PKD2L2: variants seen among roughly 807,000 people sequenced by gnomAD.
PKD2L2 encodes the protein polycystin 2 like 2, transient receptor potential cation channel, also known as polycystin-2-like protein 2.
Under a neutral mutation model 83.9 loss-of-function variants are expected in PKD2L2, and 67 were observed. The ratio of observed to expected loss-of-function variants is 0.80; its 90% confidence interval spans 0.66 to 0.98. The LOEUF (loss-of-function observed/expected upper bound fraction) is 0.98. Among genes scored for constraint, PKD2L2 ranks in the 50% least tolerant of loss-of-function variants. The pLI, the probability that PKD2L2 is intolerant of heterozygous loss-of-function variation, is 0.00. For missense variants in PKD2L2, 632 were observed against 717.2 expected, an observed-to-expected ratio of 0.88 and a Z score of 1.36; for synonymous variants, 223 against 237.8, an observed-to-expected ratio of 0.94 and a Z score of 0.57.
intron 12 of PKD2L2, among the ~76,000 whole-genome samples, chr5:137,935,171 C>A (rs1464281757): frequency 2.0e-5 from 3 of 152,164 alleles, no homozygotes; most frequent in African/African-American, 7.2e-5. Context: ...TTATTTTCCA[C>A]AACACACAGG....
intron 12 of PKD2L2, among the ~76,000 whole-genome samples, chr5:137,929,508 C>A (rs1580989082): frequency 3.8e-5 from 1 of 26,536 alleles, no homozygotes; most frequent in Non-Finnish European, 7.2e-5. Flanking sequence ...AACAAAAATA[C>A]ATATATTTCT....
rs1317445361 is a variant in PKD2L2, at chr5:137,908,945, A to G, written c.1327A>G (p.Ile443Val). 2 of 1,581,374 alleles carry G rather than the reference A, an allele frequency of 1.3e-6. No individual in the cohort carries two copies. Among genetic ancestry groups the G allele is most frequent in the South Asian group, 1.1e-5 (1 of 87,964 alleles). ...VDDFSTFQNS[I>V]FAQFRIVLGD... ...TGACTTTTCCACTTTTCAGAATTCCATGTAAGCTCTTAGTATAAATGTAAT... is the reference window on the plus strand; with the variant it reads ...TGACTTTTCCACTTTTCAGAATTCCGTGTAAGCTCTTAGTATAAATGTAAT... The change falls in exon 8 of 15, where the codon ATA becomes GTA. Residue 443 changes from isoleucine (I) to valine (V), a missense_variant and splice_region_variant. Physicochemically the swap from Ile to Val is conservative, Grantham distance 29. Coordinates refer to ENST00000508883, the MANE Select transcript of PKD2L2 (RefSeq NM_001300921.2).
At chr5:137,901,738 T>C (rs761108394) in intron 5 of PKD2L2, among the ~76,000 whole-genome samples, 1 of 152,180 alleles carries the variant, frequency 6.6e-6, no homozygotes, top group Non-Finnish European at 1.5e-5. Context: ...CAGGGGATCA[T>C]GAGGACTTTT....
At chr5:137,913,981 C>T (rs535008645) in intron 8 of PKD2L2, among the ~76,000 whole-genome samples, 2 of 146,194 alleles carry the variant, frequency 1.4e-5, no homozygotes, top group African/African-American at 5.0e-5. Context: ...AGTCCTACCA[C>T]CTCATTTTCT....
chr5:137,915,888 C>A (rs1030754898), intron 8 of PKD2L2, among the ~76,000 whole-genome samples: 2 of 152,066 alleles, frequency 1.3e-5, no homozygotes, highest in African/African-American at 4.8e-5. Context: ...GCTTTATTAT[C>A]TAGTGTTCTT....
At position 137,912,436 on chromosome 5, in the gene PKD2L2, G is replaced by A. The variant is rs184059268; in HGVS notation, c.1328+3490G>A. ...GGCTGGAGTGCAGTGGCATGATCTCGGCTCACTGTAACCTCCTCTTCCTAG... is the reference window on the plus strand; with the variant it reads ...GGCTGGAGTGCAGTGGCATGATCTCAGCTCACTGTAACCTCCTCTTCCTAG... On this transcript the variant is annotated intron_variant, in intron 8 of 14. Coordinates refer to ENST00000508883, the MANE Select transcript of PKD2L2 (RefSeq NM_001300921.2). Among the ~76,000 whole-genome samples, 5 of 151,582 alleles carry A rather than the reference G, an allele frequency of 3.3e-5. No homozygotes were observed. In the South Asian group the frequency reaches 6.3e-4, roughly 19 times the overall value.
intron 14 of PKD2L2, among the ~76,000 whole-genome samples, chr5:137,937,504 T>C (rs1416256819): frequency 6.6e-6 from 1 of 152,226 alleles, no homozygotes; most frequent in Admixed American, 6.5e-5. Context: ...TTCTAGGCTA[T>C]GTAAGCCCCC....
chr5:137,932,143 G>A (rs1245186075), intron 12 of PKD2L2, among the ~76,000 whole-genome samples: 1 of 152,046 alleles, frequency 6.6e-6, no homozygotes, highest in Non-Finnish European at 1.5e-5. Flanking sequence ...TGGATCACTT[G>A]AGGTCAGGAG....
intron 6 of PKD2L2, among the ~76,000 whole-genome samples, chr5:137,906,972 C>G (rs929227163): frequency 6.6e-6 from 1 of 152,162 alleles, no homozygotes; most frequent in African/African-American, 2.4e-5. Flanking sequence ...CAGTTCTAGT[C>G]AATGAAATGC....
intron 8 of PKD2L2, among the ~76,000 whole-genome samples, chr5:137,914,031 CTTTTTTTTTTTTTTTTTTTT>C (rs58118724): frequency 1.9e-4 from 8 of 42,342 alleles, no homozygotes; most frequent in Admixed American, 8.0e-4. Flanking sequence ...CCACACTTGG[CTTTTTTTTTTTTTTTTTTTT>C]TTTTTTTTTT....
intron 8 of PKD2L2, among the ~76,000 whole-genome samples, chr5:137,909,374 T>G (rs1010962373): frequency 1.3e-5 from 2 of 151,992 alleles, no homozygotes; most frequent in African/African-American, 4.8e-5. Flanking sequence ...AAATTAGGAT[T>G]TGACATTGAA....
intron 12 of PKD2L2, among the ~76,000 whole-genome samples, chr5:137,931,062 T>C (rs1234804230): frequency 1.3e-5 from 2 of 152,278 alleles, no homozygotes; most frequent in East Asian, 1.9e-4. Flanking sequence ...ATCTCACTAA[T>C]AGACTTTTTT....
intron 2 of PKD2L2, among the ~76,000 whole-genome samples, chr5:137,891,689 T>C (rs1283262337): frequency 6.9e-6 from 1 of 144,842 alleles, no homozygotes; most frequent in Non-Finnish European, 1.5e-5. Flanking sequence ...TATAATGTGA[T>C]TTTTTTTCTT....
chr5:137,932,637 T>C (rs1446798117), intron 12 of PKD2L2, among the ~76,000 whole-genome samples: 1 of 152,192 alleles, frequency 6.6e-6, no homozygotes, highest in African/African-American at 2.4e-5. Context: ...GTGGAGCTGT[T>C]GCTCAGTCCT....
At position 137,936,321 on chromosome 5, in the gene PKD2L2, CT is replaced by C; in HGVS notation, c.1793del (p.Leu598TyrfsTer15). The C allele has an allele frequency of 2.6e-6, 4 of 1,529,934 alleles. No homozygotes were observed. The highest frequency in any genetic ancestry group is 2.4e-5 in the East Asian group (1 of 40,868). The allele number at this position is 1,529,934 out of a possible 1,614,324, so 94.8% of individuals were successfully genotyped here. On this transcript the variant is annotated frameshift_variant and splice_region_variant, in exon 14 of 15. Coordinates refer to ENST00000508883, the MANE Select transcript of PKD2L2 (RefSeq NM_001300921.2). LOFTEE classifies it high-confidence loss of function. ...TCTACTTCCTTCGAAATTTTCTAGA[CT>C]TTTTTTATATGCTGTGGAGCTGGAG... ...QPVTQEEFRE[L>X]FLYAVELEKE...
rs116314298 is a variant in PKD2L2, at chr5:137,926,568, G to A, written c.1671+639G>A. The stretch of plus-strand genomic sequence containing the variant: ...TGGATTGGAATCTAGATCTATTTGC[G>A]TACATACATGTATTTTCTAGCTCTG... On this transcript the variant is annotated intron_variant, in intron 12 of 14. Transcript: ENST00000508883. 2.0e-3 allele frequency among the ~76,000 whole-genome samples: 304 copies of A among 152,276 alleles called. 1 individual carries two copies. Among genetic ancestry groups the A allele is most frequent in the African/African-American group, 7.0e-3 (289 of 41,558 alleles).
chr5:137,912,260 A>C (rs932228161), intron 8 of PKD2L2, among the ~76,000 whole-genome samples: 2 of 152,200 alleles, frequency 1.3e-5, no homozygotes, highest in Non-Finnish European at 2.9e-5. Context: ...ATACCATTTT[A>C]CATTCCCACC....
chr5:137,906,824 A>T (rs1314047627), intron 6 of PKD2L2, among the ~76,000 whole-genome samples: 1 of 152,154 alleles, frequency 6.6e-6, no homozygotes, highest in Non-Finnish European at 1.5e-5. Context: ...TTTCCTTCTC[A>T]TAATAAATTT....
At chr5:137,924,940 C>T in intron 10 of PKD2L2, 100 bp from the exon 11 acceptor site, 8 of 739,808 alleles carry the variant, frequency 1.1e-5, no homozygotes, top group Non-Finnish European at 1.9e-5. Flanking sequence ...GGGTAGCAAT[C>T]CAGAGGGACA....
Sources: gnomAD v4.1 joint callset for allele counts (sites outside exome capture counted in the v4.1 genomes callset) on GRCh38, gnomAD v4.1.1 for gene constraint, MANE v1.5 for transcripts, NCBI Gene and HGNC (gene_info 2026-07-23, HGNC 2026-07-21) for gene names.